Variants in QKI observed in about 807,000 individuals in gnomAD.
QKI encodes the protein QKI, KH domain containing RNA binding, also known as KH domain-containing RNA-binding protein QKI.
In QKI, 10 loss-of-function variants were observed where a neutral mutation model predicts 39.0. The observed-to-expected ratio is 0.26, with a 90% CI of 0.16 to 0.43. The LOEUF (loss-of-function observed/expected upper bound fraction) is 0.43. Ranked by LOEUF, QKI falls within the 20% of genes least tolerant of loss-of-function variation. The pLI is 1.00. For synonymous variants in QKI, 204 were observed against 155.4 expected, an observed-to-expected ratio of 1.31 and a Z score of -2.33; for missense variants, 218 against 428.0, an observed-to-expected ratio of 0.51 and a Z score of 4.33.
chr6:163,448,147 T>G (rs1248743427), intron 1 of QKI, among the ~76,000 whole-genome samples: 3 of 152,218 alleles, frequency 2.0e-5, no homozygotes, highest in Admixed American at 1.3e-4. Context: ...ACAAAGTTTT[T>G]GCTGTTTTGT....
At position 163,563,665 on chromosome 6, in the gene QKI, T is replaced by C. The variant is rs753287562; in HGVS notation, c.880T>C (p.Leu294=). The change falls in exon 6 of 8, where the codon TTG becomes CTG. Residue 294 remains leucine, a synonymous_variant. Transcript: ENST00000361752. The stretch of plus-strand genomic sequence containing the variant: ...TACACCCTATGAGTACCCCTACACA[T>C]TGGCACCAGCTACATCAATCCTTGA... The part of the protein sequence containing the change: ...IYTPYEYPYT[L]APATSILEYP... The C allele has an allele frequency of 3.1e-6, 5 of 1,614,178 alleles. No individual in the cohort carries two copies. The highest frequency in any genetic ancestry group is 2.5e-6 in the Non-Finnish European group (3 of 1,180,008).
At chr6:163,539,663 C>T (rs1029660896) in intron 4 of QKI, among the ~76,000 whole-genome samples, 3 of 152,088 alleles carry the variant, frequency 2.0e-5, no homozygotes, top group African/African-American at 7.2e-5. Context: ...TTAACTTGTG[C>T]ATATATACTT....
chr6:163,478,497 T>G (rs1334768640), intron 2 of QKI, among the ~76,000 whole-genome samples: 1 of 152,156 alleles, frequency 6.6e-6, no homozygotes, highest in Non-Finnish European at 1.5e-5. Flanking sequence ...ATACTCTCTG[T>G]TTTAGGTTAT....
At chr6:163,443,022 C>T (rs936842620) in intron 1 of QKI, among the ~76,000 whole-genome samples, 1 of 152,102 alleles carries the variant, frequency 6.6e-6, no homozygotes, top group Non-Finnish European at 1.5e-5. Flanking sequence ...TTGCCAGTAG[C>T]ATGACATGAC....
At chr6:163,427,783 G>C (rs760847070) in intron 1 of QKI, among the ~76,000 whole-genome samples, 11 of 151,808 alleles carry the variant, frequency 7.2e-5, no homozygotes, top group Non-Finnish European at 1.2e-4. Context: ...CGAAGGGTAG[G>C]GAAAAAAGAA....
chr6:163,546,100 T>C (rs185082160), intron 4 of QKI, among the ~76,000 whole-genome samples: 2 of 149,936 alleles, frequency 1.3e-5, no homozygotes, highest in Admixed American at 1.3e-4. Context: ...TAATGCATTT[T>C]AGTGTTTGGG....
At chr6:163,569,424 C>G in intron 7 of QKI, 1 of 1,268,174 alleles carries the variant, frequency 7.9e-7, no homozygotes. Flanking sequence ...TCATTCACAT[C>G]TCCTCTGCCT....
At chr6:163,479,887 C>G (rs908465208) in intron 3 of QKI, among the ~76,000 whole-genome samples, 11 of 152,132 alleles carry the variant, frequency 7.2e-5, no homozygotes, top group African/African-American at 2.4e-4. Flanking sequence ...TATGTCAGAT[C>G]ACTGGGAGAG....
intron 1 of QKI, among the ~76,000 whole-genome samples, chr6:163,452,194 C>A (rs1274195267): frequency 1.3e-5 from 2 of 152,126 alleles, no homozygotes; most frequent in Non-Finnish European, 2.9e-5. Flanking sequence ...CTGAATAACA[C>A]CAGAATGCTG....
intron 4 of QKI, among the ~76,000 whole-genome samples, chr6:163,553,111 TTTA>T: frequency 8.5e-6 from 1 of 117,858 alleles, no homozygotes. Context: ...TATTTATTTA[TTTA>T]TTTTTTGAGA....
At chr6:163,509,162 A>G (rs1779285036) in intron 3 of QKI, among the ~76,000 whole-genome samples, 1 of 151,860 alleles carries the variant, frequency 6.6e-6, no homozygotes, top group Admixed American at 6.5e-5. Context: ...TCAGTCAGTC[A>G]ATCAATCAAT....
intron 2 of QKI, chr6:163,457,407 C>T: frequency 2.2e-6 from 1 of 456,000 alleles, no homozygotes; most frequent in Non-Finnish European, 4.4e-6. Context: ...CGGTGAACTA[C>T]TATTACCGAC....
At chr6:163,417,324 A>G (rs559667179) in intron 1 of QKI, among the ~76,000 whole-genome samples, 12 of 152,296 alleles carry the variant, frequency 7.9e-5, no homozygotes, top group African/African-American at 2.9e-4. Flanking sequence ...GGCCTTGGCA[A>G]TATTTAGGGT....
At chr6:163,446,319 A>G (rs1790145848) in intron 1 of QKI, among the ~76,000 whole-genome samples, 1 of 152,172 alleles carries the variant, frequency 6.6e-6, no homozygotes. Context: ...GTAAGAGTAC[A>G]TTTTCTTCTA....
intron 3 of QKI, among the ~76,000 whole-genome samples, chr6:163,518,346 C>A (rs1779957596): frequency 6.6e-6 from 1 of 151,706 alleles, no homozygotes; most frequent in African/African-American, 2.4e-5. Flanking sequence ...TCAATGCCTG[C>A]CCTTTTGTAG....
intron 1 of QKI, among the ~76,000 whole-genome samples, chr6:163,452,731 T>C (rs2128218620): frequency 1.4e-5 from 2 of 143,242 alleles, no homozygotes; most frequent in Non-Finnish European, 2.9e-5. Flanking sequence ...ACATTTTCTT[T>C]TTATTTATTT....
At chr6:163,434,936 T>G (rs1712266272) in intron 1 of QKI, among the ~76,000 whole-genome samples, 1 of 152,162 alleles carries the variant, frequency 6.6e-6, no homozygotes, top group African/African-American at 2.4e-5. Flanking sequence ...TTTGATTATT[T>G]GTACAGATGG....
At chr6:163,512,418 A>G (rs1284759494) in intron 3 of QKI, among the ~76,000 whole-genome samples, 4 of 152,116 alleles carry the variant, frequency 2.6e-5, no homozygotes, top group African/African-American at 4.8e-5. Flanking sequence ...AGAAAGTTCT[A>G]AAGTATATAA....
At chr6:163,422,449 C>T (rs115953016) in intron 1 of QKI, among the ~76,000 whole-genome samples, 2,772 of 152,114 alleles carry the variant, frequency 0.018, 84 homozygotes, top group African/African-American at 0.063. Context: ...CATAATTAGT[C>T]GGATGTGGTG....
Sources: allele counts gnomAD v4.1 joint callset (sites outside exome capture counted in the v4.1 genomes callset), GRCh38; gene constraint gnomAD v4.1.1; transcripts MANE v1.5; gene names NCBI Gene and HGNC (gene_info 2026-07-23, HGNC 2026-07-21).